MCFD2: variants seen among roughly 807,000 people sequenced by gnomAD.
The protein encoded by MCFD2 is multiple coagulation factor deficiency protein 2.
MCFD2 carries 11 observed loss-of-function variants against 12.8 expected under a neutral mutation model. The ratio of observed to expected loss-of-function variants is 0.86; its 90% CI spans 0.54 to 1.42. The LOEUF is 1.42. Among genes scored for constraint, MCFD2 ranks in the 40% most tolerant of loss-of-function variants. The pLI is 0.00. For synonymous variants in MCFD2, 70 were observed against 68.1 expected, an observed-to-expected ratio of 1.03 and a Z score of -0.14; for missense variants, 191 against 178.6, an observed-to-expected ratio of 1.07 and a Z score of -0.40.
chr2:46,912,406 G>A (rs1336146442), intron 1 of MCFD2: 1 of 152,214 alleles, frequency 6.6e-6, no homozygotes, highest in East Asian at 1.9e-4. Flanking sequence ...CACAAAACAA[G>A]GTTTCAGGTT....
Position 46,941,523 on chromosome 2 carries a change from T to C in MCFD2, c.-8+49A>G, listed in dbSNP as rs1338364975. ...CTCCACTTCTTGGCCGCACCTTCCATGACAGCGCCCGCGAGAAGATGGCTG... is the reference window on the plus strand; with the variant it reads ...CTCCACTTCTTGGCCGCACCTTCCACGACAGCGCCCGCGAGAAGATGGCTG... On this transcript the variant is annotated intron_variant, in intron 1 of 2. Coordinates refer to the MCFD2 transcript ENST00000409147. The surrounding 1 kb of genome is among the most constrained non-coding windows in gnomAD (Gnocchi z 4.2). 23 of 1,550,226 alleles carry C rather than the reference T, an allele frequency of 1.5e-5. No homozygotes were observed. Among genetic ancestry groups the C allele is most frequent in the Non-Finnish European group, 2.0e-5 (23 of 1,147,172 alleles).
upstream of MCFD2, chr2:46,917,164 T>G (rs1287189996): frequency 1.4e-6 from 1 of 700,346 alleles, no homozygotes; most frequent in Non-Finnish European, 2.6e-6. Flanking sequence ...AATCCCTAAT[T>G]TTTTTTTCTT....
rs1012737314 is a variant in MCFD2, at chr2:46,941,634, G to C, written c.-70C>G. ...AGGGCCACTGGGACCGCATGCCGGAGCTGGTCCGGCAGCTGCAGACGCTGA... is the reference window on the plus strand; with the variant it reads ...AGGGCCACTGGGACCGCATGCCGGACCTGGTCCGGCAGCTGCAGACGCTGA... On this transcript the variant is annotated 5_prime_UTR_variant, in exon 1 of 3. Coordinates refer to the MCFD2 transcript ENST00000409147. This position sits in a 1 kb window ranked among gnomAD's most constrained non-coding sequence, Gnocchi z 4.2. 1 of 1,554,220 alleles carries C rather than the reference G, an allele frequency of 6.4e-7. No individual in the cohort carries two copies. The highest frequency in any genetic ancestry group is 8.7e-7 in the Non-Finnish European group (1 of 1,149,318).
At chr2:46,912,080 G>C (rs998549183) in intron 1 of MCFD2, among the ~76,000 whole-genome samples, 2 of 151,962 alleles carry the variant, frequency 1.3e-5, no homozygotes, top group African/African-American at 4.8e-5. Flanking sequence ...TCACATCTAT[G>C]ATCCCAACAC....
At chr2:46,936,859 A>ATTT (rs67502094) in intron 1 of MCFD2, among the ~76,000 whole-genome samples, 1 of 142,858 alleles carries the variant, frequency 7.0e-6, no homozygotes, top group African/African-American at 2.6e-5. Flanking sequence ...AGGATTCCAA[A>ATTT]TTTTTTTTTT....
rs925040504 is a variant in MCFD2, at chr2:46,937,785, T to C, written c.-8+3787A>G. Among the ~76,000 whole-genome samples, 3 of 152,188 alleles carry C rather than the reference T, an allele frequency of 2.0e-5. No individual in the cohort carries two copies. The highest frequency in any genetic ancestry group is 1.9e-4 in the East Asian group (1 of 5,202). ...GGATTGCATAGGAAGCTGAAGGGGT[T>C]TGGGGAAGCTGTGAACGTTAGTCAA... On this transcript the variant is annotated intron_variant, in intron 1 of 2. Transcript: ENST00000409147. The surrounding 1 kb of genome is among the most constrained non-coding windows in gnomAD (Gnocchi z 4.0).
rs990358730 is a variant in MCFD2, at chr2:46,905,306, C to G, written c.*157G>C. On this transcript the variant is annotated 3_prime_UTR_variant, in exon 4 of 4. Coordinates refer to ENST00000319466, the MANE Select transcript of MCFD2 (RefSeq NM_139279.6). ...GTCCCATTTCTCTTCTCTTTCATTT[C>G]TCTTATCTCTTCTCACCCCAGTGTA... 2 of 769,928 alleles carry G rather than the reference C, an allele frequency of 2.6e-6. No individual in the cohort carries two copies. The highest frequency in any genetic ancestry group is 4.5e-6 in the Non-Finnish European group (2 of 440,932). 47.7% of individuals were successfully genotyped at this position (769,928 alleles called of 1,614,324 possible). A position where few individuals can be genotyped will look rare whatever the true frequency, so the allele number is the denominator to read the frequency against.
intron 3 of MCFD2, among the ~76,000 whole-genome samples, chr2:46,906,451 G>A (rs1668240517): frequency 6.8e-6 from 1 of 147,056 alleles, no homozygotes; most frequent in African/African-American, 2.5e-5. Flanking sequence ...GAAGGGGAAT[G>A]ACATTAAATG....
At position 46,908,647 on chromosome 2, in the gene MCFD2, T is replaced by A; in HGVS notation, c.149+376A>T. On this transcript the variant is annotated intron_variant, in intron 2 of 3. Transcript: ENST00000319466. The surrounding 1 kb of genome is among the most constrained non-coding windows in gnomAD (Gnocchi z 4.5). ...TGCAACAAATGATTCAATGTTTGAA[T>A]GTGTTGATTTAAAAAAGGTCTTGTT... 1 of 326,488 alleles carries A rather than the reference T, an allele frequency of 3.1e-6. No individual in the cohort carries two copies. The highest frequency in any genetic ancestry group is 5.9e-6 in the Non-Finnish European group (1 of 169,518). The allele number at this position is 326,488 out of a possible 1,614,324, so 20.2% of individuals were successfully genotyped here.
At chr2:46,928,818 T>C (rs1458632763) in intron 1 of MCFD2, among the ~76,000 whole-genome samples, 1 of 151,388 alleles carries the variant, frequency 6.6e-6, no homozygotes, top group Admixed American at 6.6e-5. Context: ...TACTCACTGG[T>C]ATAATGCAGT....
intron 1 of MCFD2, among the ~76,000 whole-genome samples, chr2:46,922,657 T>C (rs1317647358): frequency 1.3e-5 from 2 of 151,934 alleles, no homozygotes; most frequent in Non-Finnish European, 2.9e-5. Flanking sequence ...GTGTGAGAGG[T>C]AGAAACCACT....
intron 1 of MCFD2, among the ~76,000 whole-genome samples, chr2:46,933,411 T>G (rs1669813281): frequency 6.6e-6 from 1 of 152,250 alleles, no homozygotes; most frequent in African/African-American, 2.4e-5. Context: ...GTCTACTATG[T>G]GCAAGCACAA....
rs894297995 is a variant in MCFD2, at chr2:46,941,488, C to T, written c.-8+84G>A. The T allele has an allele frequency of 2.6e-6, 4 of 1,523,530 alleles. No homozygotes were observed. The highest frequency in any genetic ancestry group is 2.0e-5 in the Admixed American group (1 of 49,344). The allele number at this position is 1,523,530 out of a possible 1,614,324, so 94.4% of individuals were successfully genotyped here. A position where few individuals can be genotyped will look rare whatever the true frequency, so the allele number is the denominator to read the frequency against. ...GTGCGCCCCAGCCAGGACGCCGCCC[C>T]CGGCCGGGTCTCCACTTCTTGGCCG... On this transcript the variant is annotated intron_variant, in intron 1 of 2. Coordinates refer to the MCFD2 transcript ENST00000409147. The surrounding 1 kb of genome is among the most constrained non-coding windows in gnomAD (Gnocchi z 4.2).
upstream of MCFD2, chr2:46,917,266 G>A (rs1321173994): frequency 4.4e-6 from 3 of 687,812 alleles, no homozygotes; most frequent in Non-Finnish European, 7.9e-6. Context: ...CCAAAGTGCT[G>A]GGATTACAGG....
upstream of MCFD2, among the ~76,000 whole-genome samples, chr2:46,917,614 A>G (rs1032299511): frequency 3.9e-5 from 6 of 152,210 alleles, no homozygotes; most frequent in Non-Finnish European, 7.4e-5. Context: ...TTTTTTTCCT[A>G]TGGATGTTAT....
At chr2:46,925,864 C>A (rs1259983240) in intron 1 of MCFD2, among the ~76,000 whole-genome samples, 5 of 152,168 alleles carry the variant, frequency 3.3e-5, no homozygotes, top group Admixed American at 3.3e-4. Flanking sequence ...ATACCAGTTC[C>A]ACAAGATTCC....
At chr2:46,929,562 T>TA (rs1669585954) in intron 1 of MCFD2, among the ~76,000 whole-genome samples, 1 of 152,202 alleles carries the variant, frequency 6.6e-6, no homozygotes, top group South Asian at 2.1e-4. Context: ...AAAGGAAATG[T>TA]AAAAAAATTT....
chr2:46,939,367 GGTC>G (rs1231496127), intron 1 of MCFD2, among the ~76,000 whole-genome samples: 3 of 152,114 alleles, frequency 2.0e-5, no homozygotes, highest in Non-Finnish European at 4.4e-5. Context: ...GAGAAATGTT[GGTC>G]ATCAGAGGGC....
chr2:46,902,935 G>C lies in MCFD2; in HGVS notation c.*2528C>G, dbSNP rs1325726451. The stretch of plus-strand genomic sequence containing the variant: ...GATGTGAATTAAAATTAAGAAACTA[G>C]CAGTATTCTACTACAGTCAAGTTCC... On this transcript the variant is annotated 3_prime_UTR_variant, in exon 4 of 4. Coordinates refer to ENST00000319466, the MANE Select transcript of MCFD2 (RefSeq NM_139279.6). The C allele has an allele frequency of 6.6e-6, 1 of 152,152 alleles. No homozygotes were observed. 9.4% of individuals were successfully genotyped at this position (152,152 alleles called of 1,614,324 possible).
Sources: allele counts gnomAD v4.1 joint callset (sites outside exome capture counted in the v4.1 genomes callset), GRCh38; gene constraint gnomAD v4.1.1; non-coding constraint Gnocchi (gnomAD v3.1); transcripts MANE v1.5; gene names NCBI Gene and HGNC (gene_info 2026-07-23, HGNC 2026-07-21).